LEMD3: variants seen among roughly 807,000 people sequenced by gnomAD.
LEMD3 encodes the protein inner nuclear membrane protein Man1.
LEMD3 carries 33 observed loss-of-function variants against 95.2 expected under a neutral mutation model. That is an observed-to-expected ratio of 0.35 (90% confidence interval 0.26 to 0.46). The LOEUF (loss-of-function observed/expected upper bound fraction) is 0.46. Among genes scored for constraint, LEMD3 ranks in the 20% least tolerant of loss-of-function variants. The probability of loss-of-function intolerance (pLI) is 1.00; values close to 1 mark genes in which losing one functional copy is unlikely to be tolerated. For synonymous variants in LEMD3, 525 were observed against 474.6 expected (o/e 1.11, Z -1.38); for missense variants, 1,210 against 1,192.8 (o/e 1.01, Z -0.21).
intron 4 of LEMD3, among the ~76,000 whole-genome samples, chr12:65,219,160 A>G (rs1233111260): frequency 6.6e-6 from 1 of 152,208 alleles, no homozygotes; most frequent in Non-Finnish European, 1.5e-5. Context: ...ACAAAGAAAC[A>G]TTGGTCATAG....
Position 65,170,295 on chromosome 12 carries a change from G to T in LEMD3, c.699G>T (p.Glu233Asp). The change falls in exon 1 of 13, where the codon GAG (glutamate) becomes GAT (aspartate). Residue 233 changes from glutamate to aspartate, a missense_variant. Glu to Asp is a conservative substitution (Grantham distance 45). Around this residue, in one of 2 missense-constraint regions of LEMD3, gnomAD observed 749 missense variants for 622.9 expected, o/e 1.20. Transcript: ENST00000308330. The stretch of plus-strand genomic sequence containing the variant: ...AGGACGGTGAGGAGAGGGACCCGGA[G>T]ACCGAGGAGCCGCTCTGGGCGAGCC... Reference protein sequence around the residue: ...EGEDGEERDPETEEPLWASRT... With the variant: ...EGEDGEERDPDTEEPLWASRT... 1.3e-6 allele frequency: 2 copies of T among 1,579,176 alleles called. No individual in the cohort carries two copies. The highest frequency in any genetic ancestry group is 2.3e-5 in the South Asian group (2 of 86,870).
chr12:65,221,515 C>G (rs1870287805), intron 4 of LEMD3, among the ~76,000 whole-genome samples: 1 of 151,824 alleles, frequency 6.6e-6, no homozygotes, highest in Non-Finnish European at 1.5e-5. Flanking sequence ...GCCACCACAC[C>G]CAGCCAAATA....
intron 4 of LEMD3, among the ~76,000 whole-genome samples, chr12:65,220,692 A>G (rs2136342380): frequency 6.6e-6 from 1 of 152,312 alleles, no homozygotes; most frequent in African/African-American, 2.4e-5. Flanking sequence ...AAGAAGTTAT[A>G]TAGTTTCAGG....
chr12:65,198,916 C>A (rs1869513060), intron 1 of LEMD3, among the ~76,000 whole-genome samples: 1 of 152,034 alleles, frequency 6.6e-6, no homozygotes, highest in African/African-American at 2.4e-5. Context: ...GGGCTATCAC[C>A]ACTACCTTTC....
intron 1 of LEMD3, among the ~76,000 whole-genome samples, chr12:65,180,796 G>T (rs1868877528): frequency 6.6e-6 from 1 of 152,106 alleles, no homozygotes; most frequent in African/African-American, 2.4e-5. Flanking sequence ...AACAAGGCTT[G>T]GTTGTAAAAC....
chr12:65,241,793 A>C (rs537717300), intron 9 of LEMD3, among the ~76,000 whole-genome samples: 1 of 152,216 alleles, frequency 6.6e-6, no homozygotes, highest in African/African-American at 2.4e-5. Context: ...TGGACATGCA[A>C]TACAAAGTCC....
At chr12:65,215,372 A>G (rs1004817592) in intron 2 of LEMD3, among the ~76,000 whole-genome samples, 2 of 152,096 alleles carry the variant, frequency 1.3e-5, no homozygotes, top group Non-Finnish European at 2.9e-5. Context: ...ATAACATTTA[A>G]TATGTTTTTT....
At chr12:65,199,943 A>G (rs971534928) in intron 1 of LEMD3, among the ~76,000 whole-genome samples, 6 of 151,982 alleles carry the variant, frequency 3.9e-5, no homozygotes, top group African/African-American at 1.4e-4. Flanking sequence ...CAGGGAACCT[A>G]AGGCTGATTG....
chr12:65,171,141 A>G (rs1469471245), intron 1 of LEMD3, 23 bp downstream of exon 1: 2 of 1,605,234 alleles, frequency 1.2e-6, no homozygotes, highest in Non-Finnish European at 1.7e-6. Context: ...TCCTGTGGGT[A>G]AGGTAACAAA....
intron 1 of LEMD3, among the ~76,000 whole-genome samples, chr12:65,186,700 G>A (rs929714811): frequency 9.3e-5 from 14 of 150,196 alleles, no homozygotes; most frequent in East Asian, 3.9e-4. Flanking sequence ...TTATTTAAGG[G>A]TTAAAATAAT....
intron 1 of LEMD3, among the ~76,000 whole-genome samples, chr12:65,182,440 C>T (rs1592431868): frequency 6.6e-6 from 1 of 152,110 alleles, no homozygotes; most frequent in Non-Finnish European, 1.5e-5. Flanking sequence ...TTAAGCAACA[C>T]ATGTTCAGCA....
intron 3 of LEMD3, among the ~76,000 whole-genome samples, chr12:65,217,797 T>C (rs1265975742): frequency 6.6e-6 from 1 of 152,206 alleles, no homozygotes; most frequent in East Asian, 1.9e-4. Flanking sequence ...GATTTCCCTG[T>C]TGGTCTGTTA....
At chr12:65,186,952 G>C (rs1234650145) in intron 1 of LEMD3, among the ~76,000 whole-genome samples, 1 of 151,900 alleles carries the variant, frequency 6.6e-6, no homozygotes, top group African/African-American at 2.4e-5. Context: ...ATATAAATAA[G>C]TTACTTATGC....
chr12:65,221,547 C>A (rs992919444), intron 4 of LEMD3, among the ~76,000 whole-genome samples: 2 of 151,936 alleles, frequency 1.3e-5, no homozygotes, highest in Non-Finnish European at 2.9e-5. Flanking sequence ...TTGGTGAAAT[C>A]TTTAGGGCTT....
At chr12:65,176,524 C>A in intron 1 of LEMD3, among the ~76,000 whole-genome samples, 1 of 152,160 alleles carries the variant, frequency 6.6e-6, no homozygotes, top group East Asian at 1.9e-4. Context: ...TTAATTGCAT[C>A]CTTCATAGTA....
rs369801389 is a variant in LEMD3 at position 65,244,292 on chromosome 12, C to CACA, written c.2387+823_2387+824insACA. 3.5e-3 allele frequency among the ~76,000 whole-genome samples: 520 copies of CACA among 149,598 alleles called. 12 individuals carry two copies. Among genetic ancestry groups the CACA allele is most frequent in the African/African-American group, 0.012 (481 of 40,606 alleles). On this transcript the variant is annotated intron_variant, in intron 10 of 12. Coordinates refer to ENST00000308330, the MANE Select transcript of LEMD3 (RefSeq NM_014319.5). ...GCACACACACACACACACACCCCCC[C>CACA]CACACACACAGAGACAAACACCGCC...
intron 1 of LEMD3, among the ~76,000 whole-genome samples, chr12:65,187,725 G>T (rs1452237196): frequency 6.6e-6 from 1 of 151,938 alleles, no homozygotes; most frequent in African/African-American, 2.4e-5. Flanking sequence ...GTACATTTTT[G>T]AATATGTATG....
At chr12:65,237,626 A>T (rs925717779) in intron 4 of LEMD3, among the ~76,000 whole-genome samples, 8 of 152,192 alleles carry the variant, frequency 5.3e-5, no homozygotes, top group African/African-American at 1.9e-4. Context: ...TCATTTTCAG[A>T]TGCATTGGTC....
At chr12:65,237,663 C>G (rs1488017348) in intron 4 of LEMD3, among the ~76,000 whole-genome samples, 1 of 152,188 alleles carries the variant, frequency 6.6e-6, no homozygotes, top group Non-Finnish European at 1.5e-5. Flanking sequence ...TATCAAAAAA[C>G]TGCATTTGTT....
Sources: allele counts gnomAD v4.1 joint callset (sites outside exome capture counted in the v4.1 genomes callset), GRCh38; gene constraint gnomAD v4.1.1; regional missense constraint gnomAD v4.1.1; transcripts MANE v1.5; gene names NCBI Gene and HGNC (gene_info 2026-07-23, HGNC 2026-07-21).